BRD1: variants seen among roughly 807,000 people sequenced by gnomAD.
BRD1 encodes bromodomain containing 1.
A neutral mutation model predicts 107.7 loss-of-function variants in BRD1; 24 were observed. The ratio of observed to expected loss-of-function variants is 0.22; its 90% CI spans 0.16 to 0.31. The LOEUF is 0.31. Among genes scored for constraint, BRD1 ranks in the 10% least tolerant of loss-of-function variants. The probability of loss-of-function intolerance (pLI) is 1.00; values close to 1 mark genes in which losing one functional copy is unlikely to be tolerated. For synonymous variants in BRD1, 744 were observed against 686.1 expected (o/e 1.08, Z -1.32); for missense variants, 1,279 against 1,638.6 (o/e 0.78, Z 3.79).
chr22:49,780,160 AC>A (rs1233890197), intron 8 of BRD1, among the ~76,000 whole-genome samples: 1 of 152,018 alleles, frequency 6.6e-6, no homozygotes, highest in African/African-American at 2.4e-5. Flanking sequence ...GCACGAGATC[AC>A]CCGCAGCTGT....
intron 6 of BRD1, among the ~76,000 whole-genome samples, chr22:49,796,729 C>A (rs915643473): frequency 8.5e-5 from 13 of 152,310 alleles, no homozygotes; most frequent in Middle Eastern, 3.4e-3. Context: ...CGGGACCCCA[C>A]GGGAAGCAGG....
rs138839 is a variant in BRD1 at position 49,787,299 on chromosome 22, A to AC, written c.2857+90dup. 2.0e-3 allele frequency: 1,068 copies of AC among 546,258 alleles called. 41 individuals carry two copies. Among genetic ancestry groups the AC allele is most frequent in the East Asian group, 5.0e-3 (83 of 16,436 alleles). The allele number at this position is 546,258 out of a possible 1,614,324, so 33.8% of individuals were successfully genotyped here. On this transcript the variant is annotated intron_variant, in intron 8 of 12. Coordinates refer to ENST00000404760, the MANE Select transcript of BRD1 (RefSeq NM_001304808.3). ...AATGCTGCAAAAACAGAAGCTGGACACCCCCCCCCCCCCGTCACACCAATG... is the reference window on the plus strand; with the variant it reads ...AATGCTGCAAAAACAGAAGCTGGACACCCCCCCCCCCCCCGTCACACCAATG...
intron 6 of BRD1, among the ~76,000 whole-genome samples, chr22:49,794,820 T>A (rs2059500038): frequency 6.6e-6 from 1 of 152,246 alleles, no homozygotes; most frequent in Non-Finnish European, 1.5e-5. Context: ...GTAAACGGGT[T>A]GTAAAATTCA....
chr22:49,827,419 G>A (rs552439544), intron 1 of BRD1, 78 bp downstream of exon 1: 28 of 143,298 alleles, frequency 2.0e-4, no homozygotes, highest in Non-Finnish European at 3.3e-4. Flanking sequence ...CCGAGAGGCC[G>A]GGCCGAGGCG....
At chr22:49,787,940 A>G (rs980622275) in intron 7 of BRD1, 53 bp from the exon 8 acceptor site, 2 of 1,393,908 alleles carry the variant, frequency 1.4e-6, no homozygotes, top group African/African-American at 2.9e-5. Context: ...TATAAAATCT[A>G]TTATAAAACT....
intron 2 of BRD1, chr22:49,818,223 T>C (rs920065432): frequency 2.5e-6 from 3 of 1,196,138 alleles, no homozygotes; most frequent in Non-Finnish European, 3.2e-6. Flanking sequence ...AAGCCTTGCC[T>C]ATCTGAGGTT....
Position 49,787,698 on chromosome 22 carries a change from C to T in BRD1, c.2549G>A (p.Arg850His), listed in dbSNP as rs1261122493. ...ACTQSALVSGRPPEPTRASSG... is the reference protein window; with the variant it reads ...ACTQSALVSGHPPEPTRASSG... ...ACTGGCGCGGGTGGGCTCTGGAGGG[C>T]GTCCGCTTACCAGTGCGCTCTGAGT... is the stretch of plus-strand genomic sequence containing the variant. Residue 850 changes from arginine to histidine, a missense_variant, in exon 8 of 13, where the codon CGC (arginine) becomes CAC (histidine). Physicochemically the swap from Arg to His is conservative, Grantham distance 29. This residue lies in a region of BRD1 where 406 missense variants were observed against 519.4 expected (regional missense o/e 0.78). Transcript: ENST00000404760. The T allele has an allele frequency of 6.4e-7, 1 of 1,550,718 alleles. No homozygotes were observed. Among genetic ancestry groups the T allele is most frequent in the Non-Finnish European group, 8.7e-7 (1 of 1,147,030 alleles).
chr22:49,781,940 C>A (rs1293039403), intron 8 of BRD1, among the ~76,000 whole-genome samples: 1 of 151,160 alleles, frequency 6.6e-6, no homozygotes, highest in Non-Finnish European at 1.5e-5. Flanking sequence ...GTTGCTGGGA[C>A]CTGCTCCGTG....
intron 6 of BRD1, among the ~76,000 whole-genome samples, chr22:49,795,168 T>C (rs995559125): frequency 9.8e-5 from 15 of 152,298 alleles, no homozygotes; most frequent in Admixed American, 9.1e-4. Context: ...TGAACAAATG[T>C]CATAGATAAT....
chr22:49,805,650 G>A (rs1486265426), intron 2 of BRD1: 1 of 152,768 alleles, frequency 6.5e-6, no homozygotes, highest in African/African-American at 2.4e-5. Context: ...ATGGCCTGCT[G>A]TTTTGGGAGC....
chr22:49,775,274 G>A (rs1290830362), intron 12 of BRD1: 1 of 192,420 alleles, frequency 5.2e-6, no homozygotes, highest in Non-Finnish European at 1.1e-5. Flanking sequence ...ACAGCAGAGG[G>A]ACCCCCAACA....
chr22:49,799,421 C>CGG (rs575392576), intron 3 of BRD1, among the ~76,000 whole-genome samples: 1 of 151,742 alleles, frequency 6.6e-6, no homozygotes. Context: ...AAGCTGGCGG[C>CGG]GGGGGGGGCC....
At position 49,794,235 on chromosome 22, in the gene BRD1, C is replaced by G. The variant is rs1820155276; in HGVS notation, c.2158G>C (p.Glu720Gln). 6.2e-7 allele frequency: 1 copy of G among 1,613,974 alleles called. No individual in the cohort carries two copies. Reference sequence around the variant, plus strand: ...GTGAGGTCGAGCATGTCCAGCAGCTCTCTCAGCTGCTCCTCCAGGCCCAGG... The same window carrying G: ...GTGAGGTCGAGCATGTCCAGCAGCTGTCTCAGCTGCTCCTCCAGGCCCAGG... The part of the protein sequence containing the change: ...AHLGLEEQLR[E>Q]LLDMLDLTCA... The change falls in exon 7 of 13, where the codon GAG (glutamate) becomes CAG (glutamine). Residue 720 changes from glutamate to glutamine, a missense_variant. This residue lies in a region of BRD1 where 406 missense variants were observed against 519.4 expected (regional missense o/e 0.78). Coordinates refer to ENST00000404760, the MANE Select transcript of BRD1 (RefSeq NM_001304808.3).
At chr22:49,787,924 G>A in intron 7 of BRD1, 37 bp from the exon 8 acceptor site, 1 of 1,444,146 alleles carries the variant, frequency 6.9e-7, no homozygotes. Flanking sequence ...TTTGAAAACT[G>A]AAGATTATAA....
intron 7 of BRD1, among the ~76,000 whole-genome samples, chr22:49,788,869 C>G (rs2059379027): frequency 6.6e-6 from 1 of 152,340 alleles, no homozygotes; most frequent in South Asian, 2.1e-4. Flanking sequence ...TCACTGGGTA[C>G]AGTTTTCATT....
At chr22:49,819,630 T>C (rs1279448226) in intron 2 of BRD1, among the ~76,000 whole-genome samples, 3 of 151,838 alleles carry the variant, frequency 2.0e-5, no homozygotes, top group Admixed American at 6.6e-5. Context: ...TTTATATTTT[T>C]AGTACAGATG....
chr22:49,773,368 A>C lies in BRD1; in HGVS notation c.*865T>G, dbSNP rs1419931157. On this transcript the variant is annotated 3_prime_UTR_variant, in exon 13 of 13. Transcript: ENST00000404760. The stretch of plus-strand genomic sequence containing the variant: ...CCCCAACATAATGCTTTACCTCTTA[A>C]AAATAAAAATAAAGTACTAATTCTA... 6.6e-6 allele frequency: 1 copy of C among 151,688 alleles called. No homozygotes were observed. Among genetic ancestry groups the C allele is most frequent in the African/African-American group, 2.4e-5 (1 of 41,394 alleles). 9.4% of individuals were successfully genotyped at this position (151,688 alleles called of 1,614,324 possible). A position where few individuals can be genotyped will look rare whatever the true frequency, so the allele number is the denominator to read the frequency against.
rs573830687 is a variant in BRD1, at chr22:49,775,822, C to G, written c.3232-77G>C. 308 of 1,368,004 alleles carry G rather than the reference C, an allele frequency of 2.3e-4. 3 individuals carry two copies. The South Asian group carries it at 2.3e-3, about 10-fold the overall frequency. 84.7% of individuals were successfully genotyped at this position (1,368,004 alleles called of 1,614,324 possible). A position where few individuals can be genotyped will look rare whatever the true frequency, so the allele number is the denominator to read the frequency against. On this transcript the variant is annotated intron_variant, in intron 11 of 12. Transcript: ENST00000404760. ...ACCCCACCTGTCACTGGCACCCCCC[C>G]CCGCCTCCCCACCCCAGCTGTGTGA...
At chr22:49,798,846 C>T in intron 4 of BRD1, 142 bp downstream of exon 4, 1 of 1,438,132 alleles carries the variant, frequency 7.0e-7, no homozygotes, top group Non-Finnish European at 9.1e-7. Flanking sequence ...CCATGGCAGC[C>T]AGGCACCCAG....
Sources: allele counts gnomAD v4.1 joint callset (sites outside exome capture counted in the v4.1 genomes callset), GRCh38; gene constraint gnomAD v4.1.1; regional missense constraint gnomAD v4.1.1; transcripts MANE v1.5; gene names NCBI Gene and HGNC (gene_info 2026-07-23, HGNC 2026-07-21).